Variants in EIF2B2 observed in about 807,000 individuals in gnomAD.
EIF2B2 encodes eukaryotic translation initiation factor 2B subunit beta.
Under a neutral mutation model 34.7 loss-of-function variants are expected in EIF2B2, and 34 were observed. The observed-to-expected ratio is 0.98, with a 90% CI of 0.75 to 1.31. The LOEUF (loss-of-function observed/expected upper bound fraction) is 1.31. Among genes scored for constraint, EIF2B2 ranks in the 50% most tolerant of loss-of-function variants. EIF2B2 has a pLI of 0.00. For synonymous variants in EIF2B2, 155 were observed against 171.6 expected (o/e 0.90, Z 0.76); for missense variants, 361 against 447.7 (o/e 0.81, Z 1.75).
chr14:75,007,079 T>C, intron 6 of EIF2B2: 1 of 474,346 alleles, frequency 2.1e-6, no homozygotes, highest in Non-Finnish European at 4.2e-6. Context: ...CTTTGTAACC[T>C]GAATACAAGC....
At chr14:75,008,929 G>A in intron 7 of EIF2B2, 102 bp from the exon 8 acceptor site, 3 of 1,488,230 alleles carry the variant, frequency 2.0e-6, no homozygotes, top group Non-Finnish European at 2.8e-6. Flanking sequence ...CCGTCCTTGG[G>A]GAGCTAATAT....
Position 75,006,255 on chromosome 14 carries a change from A to G in EIF2B2, c.693+294A>G. The stretch of plus-strand genomic sequence containing the variant: ...GGATTGGCTACAGGGCTCCTGCCTT[A>G]TGCTCAAAGAGCTTGGCAGTTGTGG... On this transcript the variant is annotated intron_variant, in intron 5 of 7. Transcript: ENST00000266126. This position sits in a 1 kb window ranked among gnomAD's most constrained non-coding sequence, Gnocchi z 4.1. 1 of 525,778 alleles carries G rather than the reference A, an allele frequency of 1.9e-6. No individual in the cohort carries two copies. The highest frequency in any genetic ancestry group is 2.1e-5 in the South Asian group (1 of 47,916). The allele number at this position is 525,778 out of a possible 1,614,324, so 32.6% of individuals were successfully genotyped here.
Position 75,004,770 on chromosome 14 carries a change from T to C in EIF2B2, c.467T>C (p.Leu156Pro). The change falls in exon 4 of 8, where the codon CTG becomes CCG. Residue 156 changes from leucine to proline, a missense_variant. Coordinates refer to ENST00000266126, the MANE Select transcript of EIF2B2 (RefSeq NM_014239.4). ...ATGGAGAACATTGCAGCCCAGGCTC[T>C]GGAGCACATTCACTCCAATGAGGTG... is the stretch of plus-strand genomic sequence containing the variant. ...GTMENIAAQA[L>P]EHIHSNEVIM... The C allele has an allele frequency of 6.4e-7, 1 of 1,567,678 alleles. No individual in the cohort carries two copies. The highest frequency in any genetic ancestry group is 8.7e-7 in the Non-Finnish European group (1 of 1,155,256).
chr14:75,009,333 T>G lies in EIF2B2; in HGVS notation c.*145T>G. The stretch of plus-strand genomic sequence containing the variant: ...AAAATCCTTGATACTGTTGCCTGCC[T>G]TTTTAGTCACCCCGTAACAAGGGCA... On this transcript the variant is annotated 3_prime_UTR_variant, in exon 8 of 8. Transcript: ENST00000266126. 2.1e-6 allele frequency: 2 copies of G among 954,542 alleles called. No homozygotes were observed. The highest frequency in any genetic ancestry group is 3.3e-6 in the Non-Finnish European group (2 of 602,832). 59.1% of individuals were successfully genotyped at this position (954,542 alleles called of 1,614,324 possible).
At position 75,006,024 on chromosome 14, in the gene EIF2B2, TCTC is replaced by T. The variant is rs1362946147; in HGVS notation, c.693+69_693+71del. 12 of 1,329,222 alleles carry T rather than the reference TCTC, an allele frequency of 9.0e-6. No individual in the cohort carries two copies. Among genetic ancestry groups the T allele is most frequent in the Admixed American group, 5.0e-5 (3 of 59,420 alleles). The allele number at this position is 1,329,222 out of a possible 1,614,324, so 82.3% of individuals were successfully genotyped here. On this transcript the variant is annotated intron_variant, in intron 5 of 7. Coordinates refer to ENST00000266126, the MANE Select transcript of EIF2B2 (RefSeq NM_014239.4). This position sits in a 1 kb window ranked among gnomAD's most constrained non-coding sequence, Gnocchi z 4.1. The stretch of plus-strand genomic sequence containing the variant: ...TATGTTTCTAAAATATTGATTTTTA[TCTC>T]CTCCTGTAATATCCACGGTGAGAGA...
Position 75,006,940 on chromosome 14 carries a change from A to G in EIF2B2, c.831+226A>G, listed in dbSNP as rs986967760. ...TTAGGAAGTCAAGATTGTAAGGACA[A>G]TATGTAGTTGGGAAAGGTCCTTTGC... On this transcript the variant is annotated intron_variant, in intron 6 of 7. Transcript: ENST00000266126. This position sits in a 1 kb window ranked among gnomAD's most constrained non-coding sequence, Gnocchi z 4.1. The G allele has an allele frequency of 1.9e-5, 14 of 717,990 alleles. No individual in the cohort carries two copies. The highest frequency in any genetic ancestry group is 2.3e-4 in the Middle Eastern group (1 of 4,294). 44.5% of individuals were successfully genotyped at this position (717,990 alleles called of 1,614,324 possible). A position where few individuals can be genotyped will look rare whatever the true frequency, so the allele number is the denominator to read the frequency against.
intron 6 of EIF2B2, chr14:75,007,165 C>CT: frequency 2.3e-6 from 1 of 433,876 alleles, no homozygotes; most frequent in South Asian, 1.6e-5. Context: ...TTATAGGTCT[C>CT]TATTTTTTAA....
At chr14:75,005,751 A>C in intron 4 of EIF2B2, 115 bp from the exon 5 acceptor site, 3 of 821,856 alleles carry the variant, frequency 3.7e-6, no homozygotes, top group Non-Finnish European at 6.4e-6. Flanking sequence ...TCTATTGGAA[A>C]TTATGTGCTG....
Position 75,010,881 on chromosome 14 carries a change from C to G in EIF2B2, c.*1693C>G, listed in dbSNP as rs1251501771. On this transcript the variant is annotated 3_prime_UTR_variant, in exon 8 of 8. Transcript: ENST00000266126. ...AAGCTGCAGAGCAATATGCATAATA[C>G]GGACTCATTTCCATAAAACAACACT... 1 of 152,166 alleles carries G rather than the reference C, an allele frequency of 6.6e-6. No individual in the cohort carries two copies. The highest frequency in any genetic ancestry group is 1.5e-5 in the Non-Finnish European group (1 of 68,036). 9.4% of individuals were successfully genotyped at this position (152,166 alleles called of 1,614,324 possible).
At position 75,005,040 on chromosome 14, in the gene EIF2B2, A is replaced by C. The variant is rs556528469; in HGVS notation, c.597+140A>C. On this transcript the variant is annotated intron_variant, in intron 4 of 7. Coordinates refer to ENST00000266126, the MANE Select transcript of EIF2B2 (RefSeq NM_014239.4). ...AGAAGATCAAGTAAAACATTAAGTG[A>C]ATTTTCAAGGTGTTCGTCCTGTGAA... The C allele has an allele frequency of 3.8e-5, 35 of 919,440 alleles. No individual in the cohort carries two copies. In the African/African-American group the frequency reaches 5.3e-4, roughly 14 times the overall value. The allele number at this position is 919,440 out of a possible 1,614,324, so 57.0% of individuals were successfully genotyped here.
chr14:75,005,163 G>C (rs920623962), intron 4 of EIF2B2: 7 of 395,342 alleles, frequency 1.8e-5, no homozygotes, highest in Non-Finnish European at 3.4e-5. Flanking sequence ...GATTACCTGA[G>C]GTCAGGAGTT....
In EIF2B2 at chr14:75,006,213, A is replaced by G. The variant is rs1889624047; in HGVS notation, c.693+252A>G. ...TGAAGTATTAAATAGAACTAAGGCAAGAGTGTCAGTTTCTAGGGATTGGCT... is the reference window on the plus strand; with the variant it reads ...TGAAGTATTAAATAGAACTAAGGCAGGAGTGTCAGTTTCTAGGGATTGGCT... On this transcript the variant is annotated intron_variant, in intron 5 of 7. Coordinates refer to ENST00000266126, the MANE Select transcript of EIF2B2 (RefSeq NM_014239.4). The surrounding 1 kb of genome is among the most constrained non-coding windows in gnomAD (Gnocchi z 4.1). 3 of 517,072 alleles carry G rather than the reference A, an allele frequency of 5.8e-6. No homozygotes were observed. The highest frequency in any genetic ancestry group is 1.0e-5 in the Non-Finnish European group (3 of 287,308). 32.0% of individuals were successfully genotyped at this position (517,072 alleles called of 1,614,324 possible). A position where few individuals can be genotyped will look rare whatever the true frequency, so the allele number is the denominator to read the frequency against.
intron 4 of EIF2B2, among the ~76,000 whole-genome samples, chr14:75,005,450 G>A (rs1312524649): frequency 2.0e-5 from 3 of 152,050 alleles, no homozygotes; most frequent in Admixed American, 1.3e-4. Context: ...ATCAAAGCAG[G>A]GTAAATTACC....
rs925707430 is a variant in EIF2B2, at chr14:75,006,232, A to T, written c.693+271A>T. 40 of 520,216 alleles carry T rather than the reference A, an allele frequency of 7.7e-5. No homozygotes were observed. Among genetic ancestry groups the T allele is most frequent in the African/African-American group, 7.5e-4 (39 of 52,282 alleles). The allele number at this position is 520,216 out of a possible 1,614,324, so 32.2% of individuals were successfully genotyped here. A position where few individuals can be genotyped will look rare whatever the true frequency, so the allele number is the denominator to read the frequency against. ...AAGGCAAGAGTGTCAGTTTCTAGGG[A>T]TTGGCTACAGGGCTCCTGCCTTATG... is the stretch of plus-strand genomic sequence containing the variant. On this transcript the variant is annotated intron_variant, in intron 5 of 7. Coordinates refer to ENST00000266126, the MANE Select transcript of EIF2B2 (RefSeq NM_014239.4). This position sits in a 1 kb window ranked among gnomAD's most constrained non-coding sequence, Gnocchi z 4.1.
In EIF2B2 at chr14:75,009,758, TGAGG is replaced by T. The variant is rs754875512; in HGVS notation, c.*571_*574del. The stretch of plus-strand genomic sequence containing the variant: ...CTTGTAATCCTGGACTTTGGGAGGC[TGAGG>T]TGGGAGGCTTGTTTGAGGCTTGTTT... On this transcript the variant is annotated 3_prime_UTR_variant, in exon 8 of 8. Transcript: ENST00000266126. 0.35 allele frequency: 50,804 copies of T among 145,756 alleles called. 10,354 individuals carry two copies. Among genetic ancestry groups the T allele is most frequent in the East Asian group, 0.65 (3,273 of 5,000 alleles). 9.0% of individuals were successfully genotyped at this position (145,756 alleles called of 1,614,324 possible).
Position 75,007,748 on chromosome 14 carries a change from T to C in EIF2B2, c.858T>C (p.His286=), listed in dbSNP as rs745833840. 49 of 1,613,878 alleles carry C rather than the reference T, an allele frequency of 3.0e-5. No homozygotes were observed. Among genetic ancestry groups the C allele is most frequent in the Non-Finnish European group, 4.0e-5 (47 of 1,179,946 alleles). Residue 286 remains histidine (H), a synonymous_variant, in exon 7 of 8, where the codon CAT becomes CAC. Transcript: ENST00000266126. ...TCCCCAATGAAGAAGACTCATTTCA[T>C]AAGTTTGTGGCTCCTGAAGAAGTCC... ...PQFPNEEDSF[H]KFVAPEEVLP...
In EIF2B2 at chr14:75,005,071, A is replaced by G. The variant is rs576283769; in HGVS notation, c.597+171A>G. 7 of 726,276 alleles carry G rather than the reference A, an allele frequency of 9.6e-6. No individual in the cohort carries two copies. The Admixed American group carries it at 1.1e-4, about 11-fold the overall frequency. The allele number at this position is 726,276 out of a possible 1,614,324, so 45.0% of individuals were successfully genotyped here. A position where few individuals can be genotyped will look rare whatever the true frequency, so the allele number is the denominator to read the frequency against. On this transcript the variant is annotated intron_variant, in intron 4 of 7. Transcript: ENST00000266126. ...CAAGGTGTTCGTCCTGTGAACATTC[A>G]TAAATAGTGGTTTAAGAAAGTTGGG...
rs184877747 is a variant in EIF2B2, at chr14:75,006,301, C to T, written c.694-276C>T. 3.5e-4 allele frequency: 194 copies of T among 559,534 alleles called. No individual in the cohort carries two copies. The highest frequency in any genetic ancestry group is 3.3e-3 in the African/African-American group (176 of 53,228). 34.7% of individuals were successfully genotyped at this position (559,534 alleles called of 1,614,324 possible). A position where few individuals can be genotyped will look rare whatever the true frequency, so the allele number is the denominator to read the frequency against. On this transcript the variant is annotated intron_variant, in intron 5 of 7. Transcript: ENST00000266126. This position sits in a 1 kb window ranked among gnomAD's most constrained non-coding sequence, Gnocchi z 4.1. ...TGTGGATAGTGAATGAAAAAGATTC[C>T]TGGCTTCTCAGAAGGTATGGCATCT...
intron 4 of EIF2B2, chr14:75,005,222 C>A (rs1473868548): frequency 5.7e-6 from 2 of 347,880 alleles, no homozygotes; most frequent in Non-Finnish European, 1.1e-5. Context: ...ACTAAAAATA[C>A]AAAAATTAGC....
Sources: gnomAD v4.1 joint callset for allele counts (sites outside exome capture counted in the v4.1 genomes callset) on GRCh38, gnomAD v4.1.1 for gene constraint, Gnocchi (gnomAD v3.1) non-coding constraint, MANE v1.5 for transcripts, NCBI Gene and HGNC (gene_info 2026-07-23, HGNC 2026-07-21) for gene names.